Variants in SCAF8 observed in about 807,000 individuals in gnomAD.
SCAF8 encodes the protein SR-related and CTD-associated factor 8.
SCAF8 carries 23 observed loss-of-function variants against 140.5 expected under a neutral mutation model. The observed-to-expected ratio is 0.16, with a 90% CI of 0.12 to 0.23. The LOEUF (loss-of-function observed/expected upper bound fraction) is 0.23, where lower values mean the gene tolerates loss of function less well. Ranked by LOEUF, SCAF8 falls within the 10% of genes least tolerant of loss-of-function variation. SCAF8 has a pLI of 1.00. For synonymous variants in SCAF8, 575 were observed against 528.9 expected (o/e 1.09, Z -1.20); for missense variants, 1,397 against 1,555.7 (o/e 0.90, Z 1.72).
intron 2 of SCAF8, among the ~76,000 whole-genome samples, chr6:154,774,648 T>C (rs1260151989): frequency 6.6e-6 from 1 of 152,118 alleles, no homozygotes; most frequent in African/African-American, 2.4e-5. Flanking sequence ...GATTTGAAAA[T>C]AGGCCATTAA....
intron 4 of SCAF8, among the ~76,000 whole-genome samples, chr6:154,792,504 C>T (rs1777452797): frequency 6.6e-6 from 1 of 152,120 alleles, no homozygotes; most frequent in Non-Finnish European, 1.5e-5. Context: ...TCCTCAGAAT[C>T]CTTAAGACAG....
intron 8 of SCAF8, among the ~76,000 whole-genome samples, chr6:154,803,915 A>G (rs927888027): frequency 1.3e-5 from 2 of 152,208 alleles, no homozygotes; most frequent in Admixed American, 6.5e-5. Context: ...ACTTAATTGT[A>G]AGAGTGGTTG....
chr6:154,761,207 G>A (rs1440998811), intron 1 of SCAF8, among the ~76,000 whole-genome samples: 1 of 152,088 alleles, frequency 6.6e-6, no homozygotes, highest in African/African-American at 2.4e-5. Flanking sequence ...CATGTGGTAT[G>A]TTTTTTTCAA....
In SCAF8 at chr6:154,784,153, A is replaced by ATT. The variant is rs1348439737; in HGVS notation, c.160-3707_160-3706insTT. ...TATATATATATATATATATATATAT[A>ATT]TATATTTATTTATTTATTTTTCATG... is the stretch of plus-strand genomic sequence containing the variant. On this transcript the variant is annotated intron_variant, in intron 3 of 19. Coordinates refer to ENST00000367178, the MANE Select transcript of SCAF8 (RefSeq NM_014892.5). Among the ~76,000 whole-genome samples the ATT allele has an allele frequency of 5.4e-4, 59 of 109,340 alleles. 1 individual carries two copies. The highest frequency in any genetic ancestry group is 1.1e-3 in the East Asian group (4 of 3,692). 71.7% of individuals were successfully genotyped at this position (109,340 alleles called of 152,430 possible). A position where few individuals can be genotyped will look rare whatever the true frequency, so the allele number is the denominator to read the frequency against.
At chr6:154,812,177 T>TC in intron 12 of SCAF8, among the ~76,000 whole-genome samples, 1 of 32,460 alleles carries the variant, frequency 3.1e-5, no homozygotes, top group Non-Finnish European at 5.5e-5. Context: ...AGATACTGCC[T>TC]TTTTTTTTTT....
chr6:154,830,965 A>C lies in SCAF8; in HGVS notation c.2184A>C (p.Lys728Asn), dbSNP rs780748527. 6.2e-7 allele frequency: 1 copy of C among 1,614,092 alleles called. No individual in the cohort carries two copies. The highest frequency in any genetic ancestry group is 8.5e-7 in the Non-Finnish European group (1 of 1,179,966). Residue 728 changes from lysine to asparagine, a missense_variant, in exon 19 of 20, where the codon AAA (lysine) becomes AAC (asparagine). Around this residue, in one of 5 missense-constraint regions of SCAF8, gnomAD observed 930 missense variants for 874.6 expected, o/e 1.06. Coordinates refer to ENST00000367178, the MANE Select transcript of SCAF8 (RefSeq NM_014892.5). ...PSLSMTPETV[K>N]DVGFGSLVIP... is the part of the protein sequence containing the mutation. ...TATCCATGACACCGGAAACTGTGAAAGATGTTGGATTTGGTAGCCTTGTTA... is the reference window on the plus strand; with the variant it reads ...TATCCATGACACCGGAAACTGTGAACGATGTTGGATTTGGTAGCCTTGTTA...
chr6:154,825,545 C>G (rs1778540721), intron 17 of SCAF8, among the ~76,000 whole-genome samples: 1 of 150,020 alleles, frequency 6.7e-6, no homozygotes, highest in Non-Finnish European at 1.5e-5. Flanking sequence ...AGGTGGTACA[C>G]ACCTGTAGTC....
chr6:154,821,771 G>A (rs1457199989), intron 15 of SCAF8, among the ~76,000 whole-genome samples: 2 of 152,190 alleles, frequency 1.3e-5, no homozygotes, highest in Non-Finnish European at 2.9e-5. Context: ...TAGGTACAGA[G>A]GAGCAAAGTC....
intron 1 of SCAF8, among the ~76,000 whole-genome samples, chr6:154,738,878 C>G (rs1467182320): frequency 6.6e-6 from 1 of 152,102 alleles, no homozygotes; most frequent in African/African-American, 2.4e-5. Context: ...GGATCTTGTT[C>G]TATTGTTTTT....
intron 1 of SCAF8, among the ~76,000 whole-genome samples, chr6:154,742,945 G>A (rs1778608660): frequency 2.3e-5 from 3 of 131,932 alleles, no homozygotes; most frequent in Non-Finnish European, 3.2e-5. Context: ...ATGTATCGCG[G>A]CCTAGGGATT....
intron 1 of SCAF8, among the ~76,000 whole-genome samples, chr6:154,741,088 G>A (rs1172738939): frequency 1.3e-5 from 2 of 152,062 alleles, no homozygotes; most frequent in Non-Finnish European, 2.9e-5. Flanking sequence ...TGAGTTTTAT[G>A]TTGTCTAGTA....
At chr6:154,734,388 G>C (rs562181330) in intron 1 of SCAF8, among the ~76,000 whole-genome samples, 3 of 152,218 alleles carry the variant, frequency 2.0e-5, no homozygotes, top group Admixed American at 2.0e-4. Context: ...ATGAACCTAC[G>C]GGGTGTTGAT....
At chr6:154,811,284 G>A (rs1427863022) in intron 12 of SCAF8, among the ~76,000 whole-genome samples, 2 of 151,958 alleles carry the variant, frequency 1.3e-5, no homozygotes, top group African/African-American at 4.8e-5. Context: ...CCATTAAGAC[G>A]TTCAGAATTA....
At chr6:154,742,004 G>T in intron 1 of SCAF8, 1 of 1,532,962 alleles carries the variant, frequency 6.5e-7, no homozygotes, top group South Asian at 1.2e-5. Context: ...CAGCAGCATG[G>T]ACACAAGAAG....
chr6:154,755,773 T>G (rs1029798245), intron 1 of SCAF8, among the ~76,000 whole-genome samples: 5 of 152,234 alleles, frequency 3.3e-5, no homozygotes, highest in Admixed American at 2.0e-4. Context: ...AGCTGTGCAC[T>G]ATATATTCCC....
chr6:154,764,407 G>A (rs541334735), intron 1 of SCAF8, among the ~76,000 whole-genome samples: 52 of 152,186 alleles, frequency 3.4e-4, no homozygotes, highest in African/African-American at 1.2e-3. Context: ...GAGGTCAGAT[G>A]AGCATAGAGA....
rs773272348 is a variant in SCAF8, at chr6:154,733,875, G to A, written c.-26G>A. The A allele has an allele frequency of 5.8e-6, 9 of 1,543,516 alleles. No homozygotes were observed. The highest frequency in any genetic ancestry group is 4.3e-5 in the African/African-American group (3 of 69,686). ...AGTGGCCGCCGCCTCTTCCGCCGCC[G>A]GGCTCGGGGCCTCCGCAGCGACAAC... On this transcript the variant is annotated 5_prime_UTR_variant, in exon 1 of 20. Transcript: ENST00000367178.
chr6:154,818,366 C>CT (rs1778316292), intron 13 of SCAF8, 113 bp from the exon 14 acceptor site: 2 of 439,304 alleles, frequency 4.6e-6, no homozygotes, highest in African/African-American at 4.1e-5. Flanking sequence ...AGTCAGTAAT[C>CT]TATCAGAATT....
At position 154,733,526 on chromosome 6, in the gene SCAF8, G is replaced by A. The variant is rs188660982; in HGVS notation, c.-375G>A. 1.5e-5 allele frequency: 20 copies of A among 1,303,802 alleles called. No individual in the cohort carries two copies. In the African/African-American group the frequency reaches 2.9e-4, roughly 19 times the overall value. 80.8% of individuals were successfully genotyped at this position (1,303,802 alleles called of 1,614,324 possible). ...GAGGTGAAACAGGAGCCCGTCGGAG[G>A]AAGGGGCAGAAGGGAGTGGAGAGTG... On this transcript the variant is annotated 5_prime_UTR_variant, in exon 1 of 20. Coordinates refer to ENST00000367178, the MANE Select transcript of SCAF8 (RefSeq NM_014892.5).
Sources: gnomAD v4.1 joint callset for allele counts (sites outside exome capture counted in the v4.1 genomes callset) on GRCh38, gnomAD v4.1.1 for gene constraint, gnomAD v4.1.1 regional missense constraint, MANE v1.5 for transcripts, NCBI Gene and HGNC (gene_info 2026-07-23, HGNC 2026-07-21) for gene names.